Variants in SCGB2B2 observed in about 807,000 individuals in gnomAD.
SCGB2B2 encodes secretoglobin family 2B member 2.
SCGB2B2 carries 11 observed loss-of-function variants against 7.6 expected under a neutral mutation model. The observed-to-expected ratio is 1.45, with a 90% CI of 0.91 to 2.40. SCGB2B2 has a LOEUF of 2.40. Among genes scored for constraint, SCGB2B2 ranks in the 30% most tolerant of loss-of-function variants. The pLI, the probability that SCGB2B2 is intolerant of heterozygous loss-of-function variation, is 0.00. For missense variants in SCGB2B2, 104 were observed against 115.4 expected, an observed-to-expected ratio of 0.90 and a Z score of 0.45; for synonymous variants, 50 against 48.6, an observed-to-expected ratio of 1.03 and a Z score of -0.12.
chr19:34,604,763 T>G (rs2065731589), intron 1 of SCGB2B2, among the ~76,000 whole-genome samples: 1 of 152,228 alleles, frequency 6.6e-6, no homozygotes, highest in Non-Finnish European at 1.5e-5. Flanking sequence ...CCCATGCAGT[T>G]AAAAAGTGCA....
rs117574585 is a variant in SCGB2B2 at position 34,597,352 on chromosome 19, G to A, written c.-2031-758C>T. On this transcript the variant is annotated intron_variant, in intron 1 of 3. Transcript: ENST00000601241. Reference sequence around the variant, plus strand: ...TCGTGCACTTTCTATGCCAGGGCCAGGGCAAGCTTGCACTTTTAGCCCTGG... The same window carrying A: ...TCGTGCACTTTCTATGCCAGGGCCAAGGCAAGCTTGCACTTTTAGCCCTGG... Among the ~76,000 whole-genome samples the A allele has an allele frequency of 4.0e-3, 577 of 143,832 alleles. 26 individuals carry two copies. In the East Asian group the frequency reaches 0.098, roughly 25 times the overall value. The allele number at this position is 143,832 out of a possible 152,430, so 94.4% of individuals were successfully genotyped here.
At chr19:34,674,075 C>CCTCT (rs1168144862) in intron 1 of SCGB2B2, among the ~76,000 whole-genome samples, 2 of 152,100 alleles carry the variant, frequency 1.3e-5, no homozygotes, top group African/African-American at 4.8e-5. Flanking sequence ...TAATGTTGGC[C>CCTCT]CTCTCTCCAC....
At chr19:34,603,631 A>G (rs2065691724) in intron 1 of SCGB2B2, among the ~76,000 whole-genome samples, 2 of 152,250 alleles carry the variant, frequency 1.3e-5, no homozygotes, top group South Asian at 4.2e-4. Context: ...AATTATAGGG[A>G]GAGAGCCTAG....
chr19:34,650,512 T>A (rs539539055), intron 1 of SCGB2B2, among the ~76,000 whole-genome samples: 1 of 151,182 alleles, frequency 6.6e-6, no homozygotes, highest in South Asian at 2.1e-4. Flanking sequence ...CTAGCAAAAA[T>A]GTATAAATTC....
intron 1 of SCGB2B2, among the ~76,000 whole-genome samples, chr19:34,616,043 A>C (rs2066068882): frequency 6.6e-6 from 1 of 151,206 alleles, no homozygotes. Context: ...GCTGCATAGT[A>C]TTCCATGGTG....
chr19:34,613,528 C>T (rs2065991605), intron 1 of SCGB2B2, among the ~76,000 whole-genome samples: 1 of 152,178 alleles, frequency 6.6e-6, no homozygotes, highest in African/African-American at 2.4e-5. Context: ...GGAATTTAGT[C>T]TGTTTTCACT....
intron 1 of SCGB2B2, chr19:34,632,590 G>A (rs2066564366): frequency 6.6e-6 from 1 of 152,182 alleles, no homozygotes; most frequent in Admixed American, 6.5e-5. Flanking sequence ...ATTAAACACT[G>A]ACCATACCAA....
chr19:34,671,282 T>C (rs1030395770), intron 1 of SCGB2B2, among the ~76,000 whole-genome samples: 1 of 152,254 alleles, frequency 6.6e-6, no homozygotes, highest in African/African-American at 2.4e-5. Context: ...CTTCAGTGAA[T>C]TGCCTTTGCA....
chr19:34,651,860 A>G (rs2067169022), intron 1 of SCGB2B2, among the ~76,000 whole-genome samples: 1 of 151,422 alleles, frequency 6.6e-6, no homozygotes, highest in Admixed American at 6.6e-5. Flanking sequence ...AAAGCATGGC[A>G]TAACTTGACT....
chr19:34,629,321 A>G (rs971791919), intron 1 of SCGB2B2, among the ~76,000 whole-genome samples: 3 of 151,982 alleles, frequency 2.0e-5, no homozygotes, highest in African/African-American at 4.8e-5. Flanking sequence ...GAAAAGAGGA[A>G]GTCAAATTGC....
Position 34,643,385 on chromosome 19 carries a change from G to T in SCGB2B2, c.-2032+32245C>A, listed in dbSNP as rs964239040. Among the ~76,000 whole-genome samples, 3 of 152,216 alleles carry T rather than the reference G, an allele frequency of 2.0e-5. No homozygotes were observed. In the South Asian group the frequency reaches 6.2e-4, roughly 32 times the overall value. On this transcript the variant is annotated intron_variant, in intron 1 of 3. Coordinates refer to ENST00000601241, the MANE Select transcript of SCGB2B2 (RefSeq NM_001025591.4). ...TAGAAAAGTTGACCTCATAAAGGTAGAGAGTAGAAGGATAGACACTACAGG... is the reference window on the plus strand; with the variant it reads ...TAGAAAAGTTGACCTCATAAAGGTATAGAGTAGAAGGATAGACACTACAGG...
intron 1 of SCGB2B2, among the ~76,000 whole-genome samples, chr19:34,632,270 T>G (rs2066555128): frequency 6.6e-6 from 1 of 152,224 alleles, no homozygotes; most frequent in Admixed American, 6.5e-5. Flanking sequence ...CATTCAACTT[T>G]GTCAACAGTA....
In SCGB2B2 at chr19:34,676,516, T is replaced by G. The variant is rs560575706; in HGVS notation, c.-2918A>C. ...CATCATCAAGCAATAAATACAAGTATCCCTAGTCCAGCAGCCCAAGCTGCT... is the reference window on the plus strand; with the variant it reads ...CATCATCAAGCAATAAATACAAGTAGCCCTAGTCCAGCAGCCCAAGCTGCT... On this transcript the variant is annotated 5_prime_UTR_variant, in exon 1 of 4. Coordinates refer to ENST00000601241, the MANE Select transcript of SCGB2B2 (RefSeq NM_001025591.4). 1 of 152,166 alleles carries G rather than the reference T, an allele frequency of 6.6e-6. No homozygotes were observed. The highest frequency in any genetic ancestry group is 1.9e-4 in the East Asian group (1 of 5,180). 9.4% of individuals were successfully genotyped at this position (152,166 alleles called of 1,614,324 possible).
At chr19:34,644,370 T>TTTTG (rs1895484984) in intron 1 of SCGB2B2, among the ~76,000 whole-genome samples, 6 of 150,900 alleles carry the variant, frequency 4.0e-5, no homozygotes, top group African/African-American at 1.5e-4. Flanking sequence ...TTGTTTTTTT[T>TTTTG]TTTTTACTCT....
chr19:34,670,015 T>G (rs1214231989), intron 1 of SCGB2B2, among the ~76,000 whole-genome samples: 2 of 152,160 alleles, frequency 1.3e-5, no homozygotes, highest in Non-Finnish European at 2.9e-5. Context: ...CTTTGGCCTA[T>G]AGTGTTGGTC....
chr19:34,645,188 A>C (rs1359287951), intron 1 of SCGB2B2, among the ~76,000 whole-genome samples: 1 of 152,148 alleles, frequency 6.6e-6, no homozygotes, highest in African/African-American at 2.4e-5. Context: ...TCACTTAGCA[A>C]ATGTTTGTTG....
At chr19:34,594,102 G>A (rs1190245754) in intron 3 of SCGB2B2, 73 bp downstream of exon 3, 5 of 1,218,992 alleles carry the variant, frequency 4.1e-6, no homozygotes, top group Non-Finnish European at 4.7e-6. Flanking sequence ...CAGGATGGAA[G>A]GCAAGTGCAG....
intron 1 of SCGB2B2, among the ~76,000 whole-genome samples, chr19:34,670,359 C>T (rs979504858): frequency 3.9e-5 from 6 of 152,310 alleles, no homozygotes; most frequent in African/African-American, 1.4e-4. Flanking sequence ...ACATTCTTAC[C>T]ACAGTGTTAT....
intron 1 of SCGB2B2, among the ~76,000 whole-genome samples, chr19:34,600,918 G>GGTGT (rs59535318): frequency 0.066 from 9,926 of 150,056 alleles, 409 homozygotes; most frequent in Non-Finnish European, 0.099. Flanking sequence ...CTCGGGGTGT[G>GGTGT]GTGTGTGTGT....
Sources: allele counts gnomAD v4.1 joint callset (sites outside exome capture counted in the v4.1 genomes callset), GRCh38; gene constraint gnomAD v4.1.1; transcripts MANE v1.5; gene names NCBI Gene and HGNC (gene_info 2026-07-23, HGNC 2026-07-21).